Variants in SHISA6 observed in about 807,000 individuals in gnomAD.
SHISA6 encodes shisa family member 6.
In SHISA6, 22 loss-of-function variants were observed where a neutral mutation model predicts 47.9. That is an observed-to-expected ratio of 0.46 (90% CI 0.33 to 0.66). The LOEUF (loss-of-function observed/expected upper bound fraction) is 0.66, where lower values mean the gene tolerates loss of function less well. SHISA6 is among the 30% of genes least tolerant of loss of function. The pLI is 0.02. For synonymous variants in SHISA6, 388 were observed against 337.8 expected (o/e 1.15, Z -1.63); for missense variants, 680 against 764.6 (o/e 0.89, Z 1.30).
rs201437667 is a variant in SHISA6 at position 11,289,751 on chromosome 17, T to A, written c.799+26225T>A. ...TTGGCATAGAGCTGCAAACAGCCTC[T>A]GATTCTGAAATAGCTCTTCTGGATC... On this transcript the variant is annotated intron_variant, in intron 2 of 5. Coordinates refer to ENST00000441885, the MANE Select transcript of SHISA6 (RefSeq NM_207386.4). The A allele has an allele frequency of 1.2e-4, 19 of 152,176 alleles. No homozygotes were observed. In the East Asian group the frequency reaches 3.5e-3, roughly 28 times the overall value. 9.4% of individuals were successfully genotyped at this position (152,176 alleles called of 1,614,324 possible).
In SHISA6 at chr17:11,323,669, A is replaced by AAATAATAAT. The variant is rs60694925; in HGVS notation, c.800-55722_800-55714dup. Among the ~76,000 whole-genome samples, 242 of 132,054 alleles carry AAATAATAAT rather than the reference A, an allele frequency of 1.8e-3. 2 individuals carry two copies. Among genetic ancestry groups the AAATAATAAT allele is most frequent in the African/African-American group, 5.8e-3 (228 of 39,016 alleles). The allele number at this position is 132,054 out of a possible 152,430, so 86.6% of individuals were successfully genotyped here. The stretch of plus-strand genomic sequence containing the variant: ...ACTGTGTCTCAAAAATAAATAAATA[A>AAATAATAAT]AATAATAATAATAATAATAATAATA... On this transcript the variant is annotated intron_variant, in intron 2 of 5. Coordinates refer to ENST00000441885, the MANE Select transcript of SHISA6 (RefSeq NM_207386.4).
intron 2 of SHISA6, among the ~76,000 whole-genome samples, chr17:11,282,541 C>T (rs966654974): frequency 2.0e-5 from 3 of 152,114 alleles, no homozygotes; most frequent in African/African-American, 4.8e-5. Context: ...AATGCTATCC[C>T]TCCCCCAGTC....
At chr17:11,257,772 T>A (rs1259515102) in intron 1 of SHISA6, among the ~76,000 whole-genome samples, 1 of 152,160 alleles carries the variant, frequency 6.6e-6, no homozygotes, top group African/African-American at 2.4e-5. Flanking sequence ...ATCCTTTATT[T>A]AACTGGAATA....
At chr17:11,352,351 A>G (rs1253826305) in intron 2 of SHISA6, among the ~76,000 whole-genome samples, 1 of 152,230 alleles carries the variant, frequency 6.6e-6, no homozygotes, top group Non-Finnish European at 1.5e-5. Flanking sequence ...AGCTGCAAAT[A>G]CAAGAGGACA....
Position 11,392,024 on chromosome 17 carries a change from C to T in SHISA6, c.895+12515C>T, listed in dbSNP as rs190493623. 2.8e-4 allele frequency among the ~76,000 whole-genome samples: 42 copies of T among 152,206 alleles called. No individual in the cohort carries two copies. The East Asian group carries it at 6.2e-3, about 22-fold the overall frequency. On this transcript the variant is annotated intron_variant, in intron 3 of 5. Transcript: ENST00000441885. ...TTTCTAAGGTTAATAGCAGATTGTT[C>T]GTAGTTCATACCTGAAGGCCCTTCC... is the stretch of plus-strand genomic sequence containing the variant.
At chr17:11,338,883 G>A (rs1030784439) in intron 2 of SHISA6, among the ~76,000 whole-genome samples, 1 of 152,140 alleles carries the variant, frequency 6.6e-6, no homozygotes, top group Non-Finnish European at 1.5e-5. Context: ...TTGTTGAAAA[G>A]CTGGGAAAAA....
rs986168855 is a variant in SHISA6 at position 11,557,815 on chromosome 17, C to A, written c.1167C>A (p.Arg389=). The A allele has an allele frequency of 3.9e-6, 6 of 1,551,112 alleles. No individual in the cohort carries two copies. The highest frequency in any genetic ancestry group is 2.0e-5 in the Admixed American group (1 of 50,950). Reference sequence around the variant, plus strand: ...GGCACCTGCCCGACCTGGCTGCCCGCGGCACCCTCCCCCTCAATGTCATCC... The same window carrying A: ...GGCACCTGCCCGACCTGGCTGCCCGAGGCACCCTCCCCCTCAATGTCATCC... ...RRRHLPDLAA[R]GTLPLNVIQM... is the part of the protein sequence containing the mutation. Residue 389 remains arginine, a synonymous_variant, in exon 6 of 6, where the codon CGC becomes CGA. Coordinates refer to ENST00000441885, the MANE Select transcript of SHISA6 (RefSeq NM_207386.4).
chr17:11,241,929 G>T lies in SHISA6; in HGVS notation c.507G>T (p.Pro169=). 6.4e-7 allele frequency: 1 copy of T among 1,550,946 alleles called. No individual in the cohort carries two copies. Among genetic ancestry groups the T allele is most frequent in the Non-Finnish European group, 8.7e-7 (1 of 1,147,030 alleles). ...CGGGGCCCGAGAACAAGTACGACCC[G>T]GAGAAGGACAAGACCAACTTCACCG... ...VSPGPENKYD[P]EKDKTNFTVY... Residue 169 remains proline, a synonymous_variant, in exon 1 of 6, where the codon CCG becomes CCT. Coordinates refer to ENST00000441885, the MANE Select transcript of SHISA6 (RefSeq NM_207386.4). The surrounding 1 kb of genome is among the most constrained non-coding windows in gnomAD (Gnocchi z 5.5).
At chr17:11,248,349 A>C (rs1449605674) in intron 1 of SHISA6, among the ~76,000 whole-genome samples, 1 of 152,166 alleles carries the variant, frequency 6.6e-6, no homozygotes, top group African/African-American at 2.4e-5. Context: ...CTCGTTACCT[A>C]GTTTTACAAG....
At chr17:11,435,611 G>C (rs1914914439) in intron 3 of SHISA6, among the ~76,000 whole-genome samples, 1 of 152,176 alleles carries the variant, frequency 6.6e-6, no homozygotes, top group South Asian at 2.1e-4. Flanking sequence ...ATGCCAGACA[G>C]AACAAAGAGA....
chr17:11,294,922 C>T (rs1315885948), intron 2 of SHISA6, among the ~76,000 whole-genome samples: 2 of 152,182 alleles, frequency 1.3e-5, no homozygotes, highest in African/African-American at 4.8e-5. Context: ...TTGCCAGTAT[C>T]GCTACTCTGT....
At chr17:11,280,670 T>G (rs1909086882) in intron 2 of SHISA6, among the ~76,000 whole-genome samples, 1 of 152,194 alleles carries the variant, frequency 6.6e-6, no homozygotes, top group Admixed American at 6.5e-5. Flanking sequence ...TAAATAAGAC[T>G]TGAATGGTCA....
rs187337555 is a variant in SHISA6 at position 11,563,386 on chromosome 17, C to T, written c.*5082C>T. On this transcript the variant is annotated 3_prime_UTR_variant, in exon 6 of 6. Transcript: ENST00000441885. The stretch of plus-strand genomic sequence containing the variant: ...TTGTAGCCCTTCGTCATGACACTAC[C>T]GTCCTCCCGGTGAAGGCTTGTGAAG... 6.6e-6 allele frequency: 1 copy of T among 152,310 alleles called. No homozygotes were observed. The highest frequency in any genetic ancestry group is 1.9e-4 in the East Asian group (1 of 5,176). 9.4% of individuals were successfully genotyped at this position (152,310 alleles called of 1,614,324 possible).
intron 2 of SHISA6, among the ~76,000 whole-genome samples, chr17:11,344,954 A>C (rs2215240): frequency 0.21 from 32,555 of 151,960 alleles, 3,893 homozygotes; most frequent in African/African-American, 0.3. Flanking sequence ...CTTTCCTACC[A>C]TGTAATAACC....
At chr17:11,536,455 C>T (rs2071789198) in intron 3 of SHISA6, among the ~76,000 whole-genome samples, 1 of 152,216 alleles carries the variant, frequency 6.6e-6, no homozygotes, top group African/African-American at 2.4e-5. Context: ...ACCATTCTAT[C>T]ATTCCAATAT....
chr17:11,465,648 G>A (rs780791370), intron 3 of SHISA6, among the ~76,000 whole-genome samples: 4 of 152,204 alleles, frequency 2.6e-5, no homozygotes, highest in Non-Finnish European at 4.4e-5. Flanking sequence ...GAGTCATGGC[G>A]CACACCTCCA....
At chr17:11,447,357 C>T (rs537516443) in intron 3 of SHISA6, among the ~76,000 whole-genome samples, 1 of 152,308 alleles carries the variant, frequency 6.6e-6, no homozygotes, top group East Asian at 1.9e-4. Flanking sequence ...TCCCAAAATA[C>T]TATGGGGAAC....
chr17:11,300,149 C>CAAAAAAAAAAAAAAAAAAAAAAAAAAA (rs56060137), intron 2 of SHISA6, among the ~76,000 whole-genome samples: 1 of 129,150 alleles, frequency 7.7e-6, no homozygotes, highest in African/African-American at 2.9e-5. Flanking sequence ...CATCTTAAAA[C>CAAAAAAAAAAAAAAAAAAAAAAAAAAA]AAAAAAAAAA....
At chr17:11,392,430 G>A (rs1382989520) in intron 3 of SHISA6, among the ~76,000 whole-genome samples, 2 of 152,132 alleles carry the variant, frequency 1.3e-5, no homozygotes, top group Non-Finnish European at 2.9e-5. Context: ...TGTCCCATCG[G>A]GGTGAGTTCT....
Sources: gnomAD v4.1 joint callset for allele counts (sites outside exome capture counted in the v4.1 genomes callset) on GRCh38, gnomAD v4.1.1 for gene constraint, Gnocchi (gnomAD v3.1) non-coding constraint, MANE v1.5 for transcripts, NCBI Gene and HGNC (gene_info 2026-07-23, HGNC 2026-07-21) for gene names.